Variants in GPC6 observed in about 807,000 individuals in gnomAD.
The protein encoded by GPC6 is glypican 6, also known as glypican-6.
GPC6 carries 14 observed loss-of-function variants against 55.2 expected under a neutral mutation model. The observed-to-expected ratio is 0.25, with a 90% CI of 0.17 to 0.40. GPC6 has a LOEUF of 0.40. Ranked by LOEUF, GPC6 falls within the 10% of genes least tolerant of loss-of-function variation. GPC6 has a pLI of 1.00. For missense variants in GPC6, 641 were observed against 708.5 expected, an observed-to-expected ratio of 0.90 and a Z score of 1.08; for synonymous variants, 278 against 259.6, an observed-to-expected ratio of 1.07 and a Z score of -0.68.
chr13:93,686,131 T>C (rs1882037656), intron 2 of GPC6, among the ~76,000 whole-genome samples: 1 of 152,160 alleles, frequency 6.6e-6, no homozygotes, highest in South Asian at 2.1e-4. Context: ...GTGTCCTATA[T>C]GAGTACAAAT....
chr13:93,962,155 C>T (rs1395605806), intron 3 of GPC6, among the ~76,000 whole-genome samples: 1 of 152,146 alleles, frequency 6.6e-6, no homozygotes, highest in Non-Finnish European at 1.5e-5. Context: ...TAGTCCATTA[C>T]TATAAGTCCC....
intron 1 of GPC6, among the ~76,000 whole-genome samples, chr13:93,455,162 C>T (rs898261117): frequency 3.9e-5 from 6 of 152,168 alleles, no homozygotes; most frequent in Non-Finnish European, 8.8e-5. Context: ...CCCGCTTGCG[C>T]CTCTCCCTCC....
intron 4 of GPC6, among the ~76,000 whole-genome samples, chr13:94,136,083 A>G (rs899553140): frequency 2.0e-5 from 3 of 152,214 alleles, no homozygotes; most frequent in Admixed American, 6.5e-5. Flanking sequence ...CAAATAAGCA[A>G]TTAGTTTCAT....
At chr13:93,737,405 C>T (rs1361686795) in intron 2 of GPC6, among the ~76,000 whole-genome samples, 6 of 152,166 alleles carry the variant, frequency 3.9e-5, no homozygotes, top group African/African-American at 1.2e-4. Context: ...ATAGATAGCC[C>T]CCGTTCTCAA....
At chr13:94,271,366 A>ACGCGCGCGCGCGCGCGCG (rs35593846) in intron 4 of GPC6, among the ~76,000 whole-genome samples, 1 of 131,224 alleles carries the variant, frequency 7.6e-6, no homozygotes, top group Non-Finnish European at 1.7e-5. Flanking sequence ...ACACACACAC[A>ACGCGCGCGCGCGCGCGCG]CGCGCGCGCG....
chr13:93,541,759 G>A (rs12016769), intron 1 of GPC6, among the ~76,000 whole-genome samples: 41,973 of 148,150 alleles, frequency 0.28, 6,000 homozygotes, highest in African/African-American at 0.33. Flanking sequence ...GTTTTGATTT[G>A]CATTTCTCTG....
intron 4 of GPC6, among the ~76,000 whole-genome samples, chr13:94,106,855 G>A (rs536568117): frequency 2.0e-5 from 3 of 152,242 alleles, no homozygotes; most frequent in East Asian, 3.9e-4. Context: ...TAAGGAATAG[G>A]CTGGTGATGA....
Position 93,638,791 on chromosome 13 carries a change from G to A in GPC6, c.319+93370G>A, listed in dbSNP as rs541658648. On this transcript the variant is annotated intron_variant, in intron 2 of 8. Coordinates refer to ENST00000377047, the MANE Select transcript of GPC6 (RefSeq NM_005708.5). ...TTTTTAACATGAAACCATGGAAGAA[G>A]GTATAAAGTTCATGTATATATAGTA... 3.3e-5 allele frequency among the ~76,000 whole-genome samples: 5 copies of A among 152,160 alleles called. No individual in the cohort carries two copies. The South Asian group carries it at 8.3e-4, about 25-fold the overall frequency.
At chr13:93,986,489 A>G (rs1881037388) in intron 3 of GPC6, among the ~76,000 whole-genome samples, 1 of 152,192 alleles carries the variant, frequency 6.6e-6, no homozygotes, top group Non-Finnish European at 1.5e-5. Flanking sequence ...AGAGGAAAAA[A>G]CATTGCAGAT....
At chr13:94,325,316 G>C (rs1168008274) in intron 6 of GPC6, among the ~76,000 whole-genome samples, 2 of 152,164 alleles carry the variant, frequency 1.3e-5, no homozygotes, top group African/African-American at 4.8e-5. Context: ...ACTCCAAGGG[G>C]AGTAAAGAAA....
At chr13:93,765,309 A>AGATAAGCTTTCTGGAAAGACAAC (rs1287047496) in intron 2 of GPC6, among the ~76,000 whole-genome samples, 1 of 27,502 alleles carries the variant, frequency 3.6e-5, no homozygotes, top group African/African-American at 1.6e-4. Flanking sequence ...AAGACAACTT[A>AGATAAGCTTTCTGGAAAGACAAC]TTTGGTTTAA....
intron 1 of GPC6, among the ~76,000 whole-genome samples, chr13:93,492,194 C>T (rs986964407): frequency 8.9e-5 from 13 of 146,716 alleles, no homozygotes; most frequent in Admixed American, 2.0e-4. Context: ...TCTTTTATTT[C>T]CTTGAGCAGT....
At chr13:93,833,561 A>C (rs1318815085) in intron 3 of GPC6, among the ~76,000 whole-genome samples, 1 of 106,930 alleles carries the variant, frequency 9.4e-6, no homozygotes, top group East Asian at 2.8e-4. Context: ...CTGCATCCTG[A>C]TTTGAGTGAT....
chr13:93,529,510 CT>C (rs1165594323), intron 1 of GPC6, among the ~76,000 whole-genome samples: 417 of 85,170 alleles, frequency 4.9e-3, no homozygotes, highest in South Asian at 0.013. Context: ...CTCTGAGATT[CT>C]TTTTTTTTTT....
chr13:93,464,465 C>T (rs1198827540), intron 1 of GPC6, among the ~76,000 whole-genome samples: 1 of 152,208 alleles, frequency 6.6e-6, no homozygotes, highest in Non-Finnish European at 1.5e-5. Context: ...AAGATGGTCA[C>T]AGCATCTTCA....
intron 1 of GPC6, among the ~76,000 whole-genome samples, chr13:93,310,974 A>G (rs1162856510): frequency 6.6e-6 from 1 of 152,200 alleles, no homozygotes; most frequent in African/African-American, 2.4e-5. Flanking sequence ...TATCTGATGA[A>G]AAAATATTGA....
intron 3 of GPC6, among the ~76,000 whole-genome samples, chr13:93,979,312 TG>T (rs1566631953): frequency 0.016 from 2,340 of 149,320 alleles, 73 homozygotes; most frequent in African/African-American, 0.056. Flanking sequence ...TGTGTGTGTG[TG>T]TGTGTTTGTG....
chr13:94,109,084 C>T (rs1886153536), intron 4 of GPC6, among the ~76,000 whole-genome samples: 1 of 152,164 alleles, frequency 6.6e-6, no homozygotes, highest in South Asian at 2.1e-4. Flanking sequence ...AATGTAAAAG[C>T]TTTACATCCC....
intron 1 of GPC6, among the ~76,000 whole-genome samples, chr13:93,233,981 T>C (rs1166615111): frequency 6.6e-6 from 1 of 152,188 alleles, no homozygotes; most frequent in Non-Finnish European, 1.5e-5. Context: ...CATCCAGTTG[T>C]TTCAAATATA....
Sources: gnomAD v4.1 joint callset for allele counts (sites outside exome capture counted in the v4.1 genomes callset) on GRCh38, gnomAD v4.1.1 for gene constraint, MANE v1.5 for transcripts, NCBI Gene and HGNC (gene_info 2026-07-23, HGNC 2026-07-21) for gene names.